ELOVL6: variants seen among roughly 807,000 people sequenced by gnomAD.
ELOVL6 encodes the protein ELOVL fatty acid elongase 6.
In ELOVL6, 8 loss-of-function variants were observed where a neutral mutation model predicts 31.7. That is an observed-to-expected ratio of 0.25 (90% CI 0.15 to 0.45). ELOVL6 has a LOEUF of 0.45. ELOVL6 is among the 20% of genes least tolerant of loss of function. The pLI is 1.00. For missense variants in ELOVL6, 126 were observed against 326.4 expected, an observed-to-expected ratio of 0.39 and a Z score of 4.73; for synonymous variants, 101 against 117.7, an observed-to-expected ratio of 0.86 and a Z score of 0.92.
intron 3 of ELOVL6, among the ~76,000 whole-genome samples, chr4:110,056,343 T>G (rs371827328): frequency 6.6e-6 from 1 of 152,058 alleles, no homozygotes; most frequent in African/African-American, 2.4e-5. Flanking sequence ...TGGAAAGAAA[T>G]TTAACCTCCA....
In ELOVL6 at chr4:110,084,581, TA is replaced by T. The variant is rs1756178981; in HGVS notation, c.221+20915del. ...ACACACAGATATATATATATATATA[TA>T]TATATATTTTTTTTTTTTTTTTTTT... is the stretch of plus-strand genomic sequence containing the variant. On this transcript the variant is annotated intron_variant, in intron 2 of 3. Transcript: ENST00000302274. Among the ~76,000 whole-genome samples, 9 of 47,930 alleles carry T rather than the reference TA, an allele frequency of 1.9e-4. 1 individual carries two copies. Among genetic ancestry groups the T allele is most frequent in the African/African-American group, 6.6e-4 (5 of 7,614 alleles). 31.4% of individuals were successfully genotyped at this position (47,930 alleles called of 152,430 possible). A position where few individuals can be genotyped will look rare whatever the true frequency, so the allele number is the denominator to read the frequency against.
intron 1 of ELOVL6, among the ~76,000 whole-genome samples, chr4:110,116,115 C>T (rs1560829522): frequency 6.6e-6 from 1 of 152,186 alleles, no homozygotes; most frequent in Non-Finnish European, 1.5e-5. Context: ...GATTAGATGT[C>T]CCCTGCCCAA....
chr4:110,198,514 A>G lies in ELOVL6; in HGVS notation c.-179T>C, dbSNP rs1759889153. The G allele has an allele frequency of 5.4e-6, 3 of 550,828 alleles. No homozygotes were observed. In the East Asian group the frequency reaches 9.4e-5, roughly 17 times the overall value. The allele number at this position is 550,828 out of a possible 1,614,324, so 34.1% of individuals were successfully genotyped here. On this transcript the variant is annotated 5_prime_UTR_variant, in exon 1 of 4. Transcript: ENST00000302274. ...AGCCTCTCAGCTACATCCAGGGCTG[A>G]GCATTGCCTGCGCCTCCGCTCCCAG...
intron 1 of ELOVL6, among the ~76,000 whole-genome samples, chr4:110,196,888 G>T (rs983447724): frequency 1.3e-5 from 2 of 152,186 alleles, no homozygotes; most frequent in Non-Finnish European, 2.9e-5. Context: ...GGCCGGGCGG[G>T]AGGAGAAGGA....
intron 1 of ELOVL6, among the ~76,000 whole-genome samples, chr4:110,189,250 A>C (rs1396052981): frequency 1.3e-5 from 2 of 152,024 alleles, no homozygotes; most frequent in African/African-American, 4.8e-5. Flanking sequence ...GTGACACTGC[A>C]CTCCAGCCTG....
intron 2 of ELOVL6, among the ~76,000 whole-genome samples, chr4:110,077,608 C>A (rs1387477476): frequency 6.6e-6 from 1 of 151,962 alleles, no homozygotes; most frequent in Non-Finnish European, 1.5e-5. Context: ...TCGTCAAAGA[C>A]CAAAGGTAGA....
intron 1 of ELOVL6, among the ~76,000 whole-genome samples, chr4:110,158,746 C>T (rs772682085): frequency 1.4e-5 from 2 of 147,076 alleles, no homozygotes; most frequent in Non-Finnish European, 3.0e-5. Flanking sequence ...CTGCAACCTT[C>T]ACCTCCCAAG....
At chr4:110,082,488 G>GC (rs1263471675) in intron 2 of ELOVL6, among the ~76,000 whole-genome samples, 3 of 151,712 alleles carry the variant, frequency 2.0e-5, no homozygotes, top group South Asian at 4.2e-4. Flanking sequence ...GCAAACTATC[G>GC]CAAGGACAAA....
At chr4:110,184,258 G>A (rs779248073) in intron 1 of ELOVL6, among the ~76,000 whole-genome samples, 27 of 152,268 alleles carry the variant, frequency 1.8e-4, no homozygotes, top group Admixed American at 4.6e-4. Context: ...AAAAGTTAAT[G>A]AACAGCCTCG....
At chr4:110,084,045 C>CATGCTATATATGATATATAACACATAT in intron 2 of ELOVL6, among the ~76,000 whole-genome samples, 1 of 24,796 alleles carries the variant, frequency 4.0e-5, no homozygotes, top group African/African-American at 1.1e-4. Context: ...GTATATAACA[C>CATGCTATATATGATATATAACACATAT]ATGCTATATA....
At chr4:110,091,971 A>G (rs1328013986) in intron 2 of ELOVL6, among the ~76,000 whole-genome samples, 1 of 152,204 alleles carries the variant, frequency 6.6e-6, no homozygotes, top group Admixed American at 6.6e-5. Flanking sequence ...GAATACAGTG[A>G]GGATTGCTTG....
At chr4:110,128,613 C>T (rs531936876) in intron 1 of ELOVL6, among the ~76,000 whole-genome samples, 1 of 152,244 alleles carries the variant, frequency 6.6e-6, no homozygotes, top group Non-Finnish European at 1.5e-5. Context: ...CAGAGCAACT[C>T]GTTAAATGTT....
intron 1 of ELOVL6, among the ~76,000 whole-genome samples, chr4:110,162,665 A>G (rs1758664443): frequency 6.6e-6 from 1 of 152,124 alleles, no homozygotes; most frequent in African/African-American, 2.4e-5. Flanking sequence ...GATATTTTGG[A>G]TGACTGTTTT....
chr4:110,141,855 G>GTGTATATATATA lies in ELOVL6; in HGVS notation c.90-36228_90-36227insTATATATATACA, dbSNP rs112473825. On this transcript the variant is annotated intron_variant, in intron 1 of 3. Transcript: ENST00000302274. ...TATATACACTAACACAATACAATTA[G>GTGTATATATATA]TATATATATATATATATATACTAAT... is the stretch of plus-strand genomic sequence containing the variant. 4.7e-5 allele frequency among the ~76,000 whole-genome samples: 6 copies of GTGTATATATATA among 126,632 alleles called. No homozygotes were observed. In the South Asian group the frequency reaches 7.7e-4, roughly 16 times the overall value. The allele number at this position is 126,632 out of a possible 152,430, so 83.1% of individuals were successfully genotyped here. A position where few individuals can be genotyped will look rare whatever the true frequency, so the allele number is the denominator to read the frequency against.
chr4:110,117,897 AAAAAAAATAT>A lies in ELOVL6; in HGVS notation c.90-12279_90-12270del, dbSNP rs1351353972. 11 of 5,838 alleles carry A rather than the reference AAAAAAAATAT, an allele frequency of 1.9e-3. No homozygotes were observed. The East Asian group carries it at 0.052, about 28-fold the overall frequency. 0.4% of individuals were successfully genotyped at this position (5,838 alleles called of 1,614,324 possible). A position where few individuals can be genotyped will look rare whatever the true frequency, so the allele number is the denominator to read the frequency against. On this transcript the variant is annotated intron_variant, in intron 1 of 3. Coordinates refer to ENST00000302274, the MANE Select transcript of ELOVL6 (RefSeq NM_024090.3). ...ACTCTGTCTCAAAAAAAAAAAAAAA[AAAAAAAATAT>A]ATATATATATATATATATCTCCCCA...
intron 1 of ELOVL6, among the ~76,000 whole-genome samples, chr4:110,169,535 G>A (rs1758882540): frequency 6.6e-6 from 1 of 151,958 alleles, no homozygotes; most frequent in African/African-American, 2.4e-5. Flanking sequence ...GAGCCACCAT[G>A]CCTGGCCAGC....
chr4:110,113,125 G>A (rs1245264330), intron 1 of ELOVL6, among the ~76,000 whole-genome samples: 2 of 151,798 alleles, frequency 1.3e-5, no homozygotes, highest in Non-Finnish European at 2.9e-5. Context: ...CTACTGAGGA[G>A]GCTGAGGCAG....
chr4:110,114,701 C>T (rs571541388), intron 1 of ELOVL6, among the ~76,000 whole-genome samples: 1 of 152,180 alleles, frequency 6.6e-6, no homozygotes, highest in African/African-American at 2.4e-5. Context: ...CCTAAAGAAG[C>T]CTAGGACGTC....
intron 1 of ELOVL6, among the ~76,000 whole-genome samples, chr4:110,106,096 C>T (rs1756882753): frequency 6.6e-6 from 1 of 152,270 alleles, no homozygotes; most frequent in Admixed American, 6.5e-5. Flanking sequence ...GTGGCTCACA[C>T]CTGTTATCCC....
Sources: allele counts gnomAD v4.1 joint callset (sites outside exome capture counted in the v4.1 genomes callset), GRCh38; gene constraint gnomAD v4.1.1; transcripts MANE v1.5; gene names NCBI Gene and HGNC (gene_info 2026-07-23, HGNC 2026-07-21).